Variants in PCDHA3 observed in about 807,000 individuals in gnomAD.
PCDHA3 encodes protocadherin alpha 3, also known as protocadherin alpha-3.
A neutral mutation model predicts 62.2 loss-of-function variants in PCDHA3; 41 were observed. The ratio of observed to expected loss-of-function variants is 0.66; its 90% confidence interval spans 0.51 to 0.86. The LOEUF (loss-of-function observed/expected upper bound fraction) is 0.86. Among genes scored for constraint, PCDHA3 ranks in the 40% least tolerant of loss-of-function variants. The probability of loss-of-function intolerance (pLI) is 0.00; values close to 1 mark genes in which losing one functional copy is unlikely to be tolerated. For missense variants in PCDHA3, 1,304 were observed against 1,241.2 expected (o/e 1.05, Z -0.76); for synonymous variants, 640 against 555.4 (o/e 1.15, Z -2.14).
At chr5:140,956,142 T>C (rs1416783643) in intron 1 of PCDHA3, among the ~76,000 whole-genome samples, 1 of 152,194 alleles carries the variant, frequency 6.6e-6, no homozygotes, top group East Asian at 1.9e-4. Flanking sequence ...CCTTTATTTC[T>C]TTCTCTTTCC....
intron 1 of PCDHA3, chr5:140,828,590 A>G (rs1562298438): frequency 3.1e-6 from 5 of 1,614,240 alleles, no homozygotes; most frequent in Non-Finnish European, 4.2e-6. Flanking sequence ...CTCAAATTCC[A>G]TCTTAACCTA....
chr5:140,977,610 A>G (rs1056611698), intron 1 of PCDHA3, among the ~76,000 whole-genome samples: 1 of 152,196 alleles, frequency 6.6e-6, no homozygotes, highest in Non-Finnish European at 1.5e-5. Context: ...CCATTGAGGT[A>G]AAGTATCCCA....
chr5:140,821,488 A>G, intron 1 of PCDHA3: 1 of 297,184 alleles, frequency 3.4e-6, no homozygotes, highest in Non-Finnish European at 6.2e-6. Context: ...AATACTTGAG[A>G]AATATTGACG....
Position 141,011,309 on chromosome 5 carries a change from A to G in PCDHA3, c.*1372A>G, listed in dbSNP as rs374038361. On this transcript the variant is annotated 3_prime_UTR_variant, in exon 4 of 4. Coordinates refer to ENST00000522353, the MANE Select transcript of PCDHA3 (RefSeq NM_018906.3). ...CTTTTCTATAACACTCTGAATTGCTAATCTTACTAACACCTATGATGTTAC... is the reference window on the plus strand; with the variant it reads ...CTTTTCTATAACACTCTGAATTGCTGATCTTACTAACACCTATGATGTTAC... 9.8e-5 allele frequency: 15 copies of G among 153,742 alleles called. No homozygotes were observed. The highest frequency in any genetic ancestry group is 1.9e-4 in the Non-Finnish European group (13 of 68,036). 9.5% of individuals were successfully genotyped at this position (153,742 alleles called of 1,614,324 possible). A position where few individuals can be genotyped will look rare whatever the true frequency, so the allele number is the denominator to read the frequency against.
At chr5:140,877,656 C>G (rs782196097) in intron 1 of PCDHA3, 6 of 1,613,560 alleles carry the variant, frequency 3.7e-6, no homozygotes, top group Non-Finnish European at 5.1e-6. Flanking sequence ...CGCCGCCCAC[C>G]GTGAGCCGGT....
At chr5:140,843,361 G>T in intron 1 of PCDHA3, 1 of 1,596,046 alleles carries the variant, frequency 6.3e-7, no homozygotes, top group South Asian at 1.1e-5. Context: ...AAGCGTCATC[G>T]AGGCAGTCGG....
intron 1 of PCDHA3, among the ~76,000 whole-genome samples, chr5:140,846,674 T>TA (rs1434317760): frequency 1.3e-5 from 2 of 149,408 alleles, no homozygotes; most frequent in East Asian, 3.9e-4. Context: ...GCGCCCAGCC[T>TA]AAAATGCTTT....
rs1159995588 is a variant in PCDHA3, at chr5:140,947,341, A to G, written c.2395-31608A>G. ...GGTTGACCATAAATGTGTGGGCTTA[A>G]TTCTGGACTCTATTTCACTCCTTTG... is the stretch of plus-strand genomic sequence containing the variant. On this transcript the variant is annotated intron_variant, in intron 1 of 3. Transcript: ENST00000522353. Among the ~76,000 whole-genome samples the G allele has an allele frequency of 2.6e-5, 4 of 151,804 alleles. No individual in the cohort carries two copies. The South Asian group carries it at 6.2e-4, about 24-fold the overall frequency.
At chr5:140,841,935 C>T in intron 1 of PCDHA3, 1 of 1,613,898 alleles carries the variant, frequency 6.2e-7, no homozygotes, top group South Asian at 1.1e-5. Flanking sequence ...AGAGAGGACG[C>T]TCCTGCGCAC....
chr5:140,925,424 T>C (rs1554202738), intron 1 of PCDHA3, among the ~76,000 whole-genome samples: 1 of 152,038 alleles, frequency 6.6e-6, no homozygotes, highest in Non-Finnish European at 1.5e-5. Context: ...GAACTGGTTG[T>C]AGGGTGTTAG....
chr5:140,875,318 C>G, intron 1 of PCDHA3: 1 of 1,427,508 alleles, frequency 7.0e-7, no homozygotes, highest in South Asian at 1.6e-5. Flanking sequence ...ACATTCCAAT[C>G]ATTCACGGAA....
intron 1 of PCDHA3, chr5:140,927,132 G>C: frequency 6.2e-7 from 1 of 1,614,052 alleles, no homozygotes; most frequent in Non-Finnish European, 8.5e-7. Context: ...TCAGAGAGCC[G>C]GCGGACCGCG....
intron 1 of PCDHA3, among the ~76,000 whole-genome samples, chr5:140,902,816 G>A (rs1447534950): frequency 6.6e-6 from 1 of 150,906 alleles, no homozygotes; most frequent in Non-Finnish European, 1.5e-5. Flanking sequence ...TACAATATTT[G>A]GTTTTCGATT....
intron 1 of PCDHA3, chr5:140,824,000 G>A (rs2150131265): frequency 1.2e-6 from 2 of 1,614,148 alleles, no homozygotes; most frequent in South Asian, 1.1e-5. Flanking sequence ...TTGTGCTCCA[G>A]CGCGGTGGGG....
rs782058694 is a variant in PCDHA3 at position 140,883,215 on chromosome 5, A to G, written c.2394+79624A>G. On this transcript the variant is annotated intron_variant, in intron 1 of 3. Coordinates refer to ENST00000522353, the MANE Select transcript of PCDHA3 (RefSeq NM_018906.3). ...CTAGATTTCGAAGAAAAGAAATTAT[A>G]TGAAATATCCGTGGAGGCAGTTGAC... 2.5e-6 allele frequency: 4 copies of G among 1,613,954 alleles called. No individual in the cohort carries two copies. Among genetic ancestry groups the G allele is most frequent in the Non-Finnish European group, 3.4e-6 (4 of 1,180,034 alleles).
intron 1 of PCDHA3, chr5:140,875,642 C>A: frequency 6.2e-7 from 1 of 1,613,606 alleles, no homozygotes; most frequent in Non-Finnish European, 8.5e-7. Flanking sequence ...CTGGAGCTGG[C>A]GGAGCTGGTG....
rs199783721 is a variant in PCDHA3 at position 140,801,362 on chromosome 5, G to T, written c.165G>T (p.Glu55Asp). The change falls in exon 1 of 4, where the codon GAG (glutamate) becomes GAT (aspartate). Residue 55 changes from glutamate (E) to aspartate (D), a missense_variant. Physicochemically the swap from Glu to Asp is conservative, Grantham distance 45. Coordinates refer to ENST00000522353, the MANE Select transcript of PCDHA3 (RefSeq NM_018906.3). ...VGRIAQDLGL[E>D]LAELVPRLFR... Reference sequence around the variant, plus strand: ...GCATCGCGCAGGACCTGGGGCTGGAGCTGGCGGAGCTGGTGCCGCGCCTGT... The same window carrying T: ...GCATCGCGCAGGACCTGGGGCTGGATCTGGCGGAGCTGGTGCCGCGCCTGT... 6.0e-5 allele frequency: 96 copies of T among 1,613,440 alleles called. 1 individual carries two copies. In the South Asian group the frequency reaches 9.1e-4, roughly 15 times the overall value.
At chr5:140,833,751 AAC>A (rs2150210782) in intron 1 of PCDHA3, among the ~76,000 whole-genome samples, 1,564 of 151,344 alleles carry the variant, frequency 0.01, 31 homozygotes, top group African/African-American at 0.036. Context: ...CTAAAAAGAA[AAC>A]ACACACACAC....
chr5:140,979,175 AAT>A, intron 2 of PCDHA3, 168 bp downstream of exon 2: 3 of 951,630 alleles, frequency 3.2e-6, no homozygotes, highest in Non-Finnish European at 3.8e-6. Flanking sequence ...AAAGATCGCA[AAT>A]GGTCAGTGCC....
Sources: allele counts gnomAD v4.1 joint callset (sites outside exome capture counted in the v4.1 genomes callset), GRCh38; gene constraint gnomAD v4.1.1; transcripts MANE v1.5; gene names NCBI Gene and HGNC (gene_info 2026-07-23, HGNC 2026-07-21).